Variants in PCCA observed in about 807,000 individuals in gnomAD.
PCCA encodes propionyl-CoA carboxylase alpha chain, mitochondrial.
PCCA carries 74 observed loss-of-function variants against 101.3 expected under a neutral mutation model. The observed-to-expected ratio is 0.73, with a 90% CI of 0.61 to 0.89. The LOEUF (loss-of-function observed/expected upper bound fraction) is 0.89, where lower values mean the gene tolerates loss of function less well. Ranked by LOEUF, PCCA falls within the 40% of genes least tolerant of loss-of-function variation. PCCA has a pLI of 0.00. For synonymous variants in PCCA, 294 were observed against 313.6 expected (o/e 0.94, Z 0.66); for missense variants, 891 against 907.0 (o/e 0.98, Z 0.23).
intron 13 of PCCA, 112 bp downstream of exon 13, chr13:100,301,715 G>A (rs2066076080): frequency 1.7e-6 from 2 of 1,200,430 alleles, no homozygotes; most frequent in Non-Finnish European, 2.5e-6. Flanking sequence ...CCAACTATTG[G>A]ATTACGTAAT....
intron 1 of PCCA, among the ~76,000 whole-genome samples, chr13:100,092,509 A>G (rs867922812): frequency 2.7e-4 from 41 of 151,912 alleles, no homozygotes; most frequent in Middle Eastern, 3.4e-3. Flanking sequence ...CAGCCTCCCA[A>G]GTAGGTGGGA....
chr13:100,101,090 A>G (rs1301276833), intron 1 of PCCA, among the ~76,000 whole-genome samples: 4 of 152,176 alleles, frequency 2.6e-5, no homozygotes, highest in African/African-American at 9.7e-5. Context: ...GGCATGAGCC[A>G]CCGTGCCCGG....
chr13:100,209,751 C>T (rs1352377847), intron 7 of PCCA, among the ~76,000 whole-genome samples: 2 of 152,012 alleles, frequency 1.3e-5, no homozygotes, highest in Non-Finnish European at 2.9e-5. Flanking sequence ...CCTGCCTCAG[C>T]CTCCCGAGTA....
At chr13:100,421,761 T>C (rs1472347925) in intron 19 of PCCA, among the ~76,000 whole-genome samples, 1 of 152,134 alleles carries the variant, frequency 6.6e-6, no homozygotes, top group East Asian at 1.9e-4. Context: ...CTCAGCTCAC[T>C]GCAACCTCTG....
chr13:100,445,437 A>G (rs573949994), intron 20 of PCCA, among the ~76,000 whole-genome samples: 30 of 152,382 alleles, frequency 2.0e-4, no homozygotes, highest in Non-Finnish European at 4.0e-4. Flanking sequence ...TATGTGAGGT[A>G]CACTTAAATA....
intron 4 of PCCA, among the ~76,000 whole-genome samples, chr13:100,120,634 G>A (rs189941189): frequency 1.3e-3 from 198 of 152,200 alleles, no homozygotes; most frequent in Non-Finnish European, 1.5e-3. Flanking sequence ...TGAATCCAGG[G>A]GATGAGGCTA....
intron 19 of PCCA, among the ~76,000 whole-genome samples, chr13:100,380,449 T>C (rs1430017225): frequency 6.6e-6 from 1 of 152,244 alleles, no homozygotes; most frequent in Non-Finnish European, 1.5e-5. Context: ...AACAGCCTTG[T>C]AATCAAATAC....
chr13:100,318,379 C>T (rs956148161), intron 16 of PCCA, among the ~76,000 whole-genome samples: 9 of 152,126 alleles, frequency 5.9e-5, no homozygotes, highest in African/African-American at 2.2e-4. Flanking sequence ...GTTCTAACAA[C>T]GTGCAGGTTT....
chr13:100,234,851 C>G (rs957098986), intron 7 of PCCA, among the ~76,000 whole-genome samples: 1 of 151,868 alleles, frequency 6.6e-6, no homozygotes, highest in Admixed American at 6.6e-5. Context: ...ACAATATTGT[C>G]AGTCTTTGTG....
chr13:100,210,477 A>G (rs1053349160), intron 7 of PCCA, among the ~76,000 whole-genome samples: 4 of 152,194 alleles, frequency 2.6e-5, no homozygotes, highest in Non-Finnish European at 4.4e-5. Context: ...GTATATCTTT[A>G]TCTTGAGCTT....
At chr13:100,421,191 A>G (rs1172410964) in intron 19 of PCCA, among the ~76,000 whole-genome samples, 2 of 152,028 alleles carry the variant, frequency 1.3e-5, no homozygotes, top group African/African-American at 4.8e-5. Flanking sequence ...AGCCTGGTCC[A>G]CAGAGTGAGG....
intron 12 of PCCA, among the ~76,000 whole-genome samples, chr13:100,285,927 G>T (rs988252183): frequency 3.3e-5 from 5 of 152,180 alleles, no homozygotes; most frequent in South Asian, 2.1e-4. Flanking sequence ...CCAGAGACCA[G>T]TGCCCAGTTA....
chr13:100,176,303 G>A (rs1452197112), intron 6 of PCCA, among the ~76,000 whole-genome samples: 2 of 152,156 alleles, frequency 1.3e-5, no homozygotes, highest in Non-Finnish European at 2.9e-5. Context: ...TTAAAATGAA[G>A]CATTTTTGGA....
At chr13:100,368,386 T>A (rs2075352211) in intron 18 of PCCA, 86 bp from the exon 19 acceptor site, 1 of 770,256 alleles carries the variant, frequency 1.3e-6, no homozygotes, top group Non-Finnish European at 2.3e-6. Context: ...AGTTTTAGCC[T>A]GTGCATTTTA....
intron 18 of PCCA, among the ~76,000 whole-genome samples, chr13:100,351,852 A>T (rs2073308244): frequency 6.6e-6 from 1 of 152,166 alleles, no homozygotes; most frequent in Non-Finnish European, 1.5e-5. Flanking sequence ...ATCCCCAATA[A>T]TATGTTCAAT....
At chr13:100,469,195 G>C (rs2082770530) in intron 21 of PCCA, among the ~76,000 whole-genome samples, 1 of 70,050 alleles carries the variant, frequency 1.4e-5, no homozygotes, top group Non-Finnish European at 3.0e-5. Flanking sequence ...TGGGCAACAA[G>C]AGTGAAACTC....
At chr13:100,449,393 T>C in intron 21 of PCCA, 88 bp downstream of exon 21, 2 of 736,688 alleles carry the variant, frequency 2.7e-6, no homozygotes, top group South Asian at 3.5e-5. Context: ...CTTGGCTTCA[T>C]TACTGCTAGA....
chr13:100,157,216 A>G, intron 5 of PCCA, 71 bp from the exon 6 acceptor site: 1 of 984,340 alleles, frequency 1.0e-6, no homozygotes, highest in South Asian at 1.3e-5. Context: ...ACATAAATGC[A>G]CTGTACATTT....
intron 6 of PCCA, among the ~76,000 whole-genome samples, chr13:100,190,336 A>AT (rs2057652004): frequency 6.6e-6 from 1 of 152,214 alleles, no homozygotes; most frequent in Non-Finnish European, 1.5e-5. Flanking sequence ...TAAAATAAAG[A>AT]GTCAAAGCAT....
Sources: gnomAD v4.1 joint callset for allele counts (sites outside exome capture counted in the v4.1 genomes callset) on GRCh38, gnomAD v4.1.1 for gene constraint, MANE v1.5 for transcripts, NCBI Gene and HGNC (gene_info 2026-07-23, HGNC 2026-07-21) for gene names.